TMEM74: variants seen among roughly 807,000 people sequenced by gnomAD.
TMEM74 encodes transmembrane protein 74.
TMEM74 carries 13 observed loss-of-function variants against 18.1 expected under a neutral mutation model. The observed-to-expected ratio is 0.72, with a 90% CI of 0.47 to 1.14. TMEM74 has a LOEUF of 1.14. TMEM74 is among the 50% of genes most tolerant of loss of function. The probability of loss-of-function intolerance (pLI) is 0.00; values close to 1 mark genes in which losing one functional copy is unlikely to be tolerated. For missense variants in TMEM74, 372 were observed against 375.9 expected, an observed-to-expected ratio of 0.99 and a Z score of 0.09; for synonymous variants, 159 against 146.6, an observed-to-expected ratio of 1.08 and a Z score of -0.61.
chr8:108,621,968 AG>A (rs1812444693), intron 2 of TMEM74, among the ~76,000 whole-genome samples: 1 of 152,148 alleles, frequency 6.6e-6, no homozygotes, highest in Non-Finnish European at 1.5e-5. Context: ...TTACATATGT[AG>A]AAAAATCTTC....
intron 2 of TMEM74, among the ~76,000 whole-genome samples, chr8:108,637,970 CAGAT>C (rs1339513519): frequency 1.3e-5 from 2 of 152,108 alleles, no homozygotes; most frequent in African/African-American, 2.4e-5. Context: ...GTTCTCCTAA[CAGAT>C]AGGCTGATTG....
intron 1 of TMEM74, among the ~76,000 whole-genome samples, chr8:108,760,471 C>A (rs1400619312): frequency 1.3e-5 from 2 of 152,034 alleles, no homozygotes; most frequent in Non-Finnish European, 2.9e-5. Flanking sequence ...CAAGCCTGTT[C>A]TGAGTGCAGT....
At chr8:108,661,524 C>G (rs116925958) in intron 1 of TMEM74, among the ~76,000 whole-genome samples, 3,499 of 151,958 alleles carry the variant, frequency 0.023, 69 homozygotes, top group Non-Finnish European at 0.032. Context: ...ATGGATCACT[C>G]TTATCCCTTA....
intron 1 of TMEM74, among the ~76,000 whole-genome samples, chr8:108,717,685 C>A (rs534553383): frequency 1.3e-5 from 2 of 151,736 alleles, no homozygotes. Flanking sequence ...CTAGAAGGGG[C>A]GAGGGAATGG....
chr8:108,729,275 G>C (rs1360131723), intron 1 of TMEM74, among the ~76,000 whole-genome samples: 1 of 152,188 alleles, frequency 6.6e-6, no homozygotes, highest in Admixed American at 6.5e-5. Flanking sequence ...GAGGCTGCCT[G>C]TATTCTTTAA....
At chr8:108,669,156 T>C (rs1812977667) in intron 1 of TMEM74, among the ~76,000 whole-genome samples, 1 of 152,148 alleles carries the variant, frequency 6.6e-6, no homozygotes, top group South Asian at 2.1e-4. Flanking sequence ...AGGGGACTTA[T>C]AGATCTCTCT....
At chr8:108,735,767 T>C (rs144716380) in intron 1 of TMEM74, among the ~76,000 whole-genome samples, 1 of 152,276 alleles carries the variant, frequency 6.6e-6, no homozygotes, top group East Asian at 1.9e-4. Flanking sequence ...TTTATCTTTA[T>C]ATATTGCCCA....
intron 1 of TMEM74, among the ~76,000 whole-genome samples, chr8:108,713,142 T>C (rs1016370997): frequency 6.6e-6 from 1 of 152,210 alleles, no homozygotes; most frequent in Non-Finnish European, 1.5e-5. Context: ...TGAACATCTA[T>C]TTGGGAACCA....
chr8:108,684,523 G>A (rs1250607221), intron 1 of TMEM74, among the ~76,000 whole-genome samples: 1 of 151,838 alleles, frequency 6.6e-6, no homozygotes, highest in African/African-American at 2.4e-5. Flanking sequence ...CCAGTCTGTA[G>A]GTTATTGTTT....
chr8:108,742,083 G>C (rs1052921136), intron 1 of TMEM74, among the ~76,000 whole-genome samples: 1 of 152,062 alleles, frequency 6.6e-6, no homozygotes, highest in African/African-American at 2.4e-5. Context: ...CCTTCTAAGT[G>C]GGACCTGAAT....
chr8:108,704,344 A>C (rs934884009), intron 1 of TMEM74, among the ~76,000 whole-genome samples: 1 of 151,828 alleles, frequency 6.6e-6, no homozygotes, highest in Non-Finnish European at 1.5e-5. Flanking sequence ...TCTCTTTCCT[A>C]TTTCCTGTTT....
chr8:108,620,949 C>CCTG (rs1586236507), intron 2 of TMEM74, among the ~76,000 whole-genome samples: 1 of 152,116 alleles, frequency 6.6e-6, no homozygotes, highest in East Asian at 1.9e-4. Flanking sequence ...TCTAAAGTCT[C>CCTG]CTGAAGCCTT....
At chr8:108,776,450 G>A (rs1216387960), downstream of TMEM74, among the ~76,000 whole-genome samples, 9 of 152,160 alleles carry the variant, frequency 5.9e-5, no homozygotes, top group Admixed American at 3.3e-4. Flanking sequence ...CCAAGATCAC[G>A]CCAGTGCACT....
intron 1 of TMEM74, among the ~76,000 whole-genome samples, chr8:108,676,992 A>G (rs1813061746): frequency 6.6e-6 from 1 of 152,256 alleles, no homozygotes; most frequent in Non-Finnish European, 1.5e-5. Context: ...CACAGACACC[A>G]AAATGTAAAT....
chr8:108,673,569 G>A (rs1291103202), intron 1 of TMEM74, among the ~76,000 whole-genome samples: 1 of 152,202 alleles, frequency 6.6e-6, no homozygotes, highest in African/African-American at 2.4e-5. Flanking sequence ...GTAGTCAGCT[G>A]AGGGAGAGAG....
At chr8:108,609,176 G>T (rs530317893) in intron 2 of TMEM74, among the ~76,000 whole-genome samples, 23 of 152,298 alleles carry the variant, frequency 1.5e-4, no homozygotes, top group Admixed American at 1.5e-3. Flanking sequence ...CAAGGCTGAA[G>T]TTTCTCTATA....
chr8:108,653,002 C>T lies in TMEM74; in HGVS notation n.264+2291G>A, dbSNP rs964620930. ...TTTCCTCTGGAAAGCCTTGTGTTCC[C>T]GACTCCTAACTTAGAATACACTCTT... On this transcript the variant is annotated intron_variant and non_coding_transcript_variant, in intron 2 of 3. Coordinates refer to the TMEM74 transcript ENST00000518838. 16 of 212,062 alleles carry T rather than the reference C, an allele frequency of 7.5e-5. No individual in the cohort carries two copies. The South Asian group carries it at 8.4e-4, about 11-fold the overall frequency. 13.1% of individuals were successfully genotyped at this position (212,062 alleles called of 1,614,324 possible).
chr8:108,760,973 A>AGTGTGT (rs60213902), intron 1 of TMEM74, among the ~76,000 whole-genome samples: 4,727 of 148,950 alleles, frequency 0.032, 205 homozygotes, highest in African/African-American at 0.099. Context: ...GTGGTTTTGG[A>AGTGTGT]GTGTGTGTGT....
chr8:108,662,342 A>G (rs1353504371), intron 1 of TMEM74, among the ~76,000 whole-genome samples: 1 of 152,100 alleles, frequency 6.6e-6, no homozygotes, highest in African/African-American at 2.4e-5. Context: ...GAGGGAACAA[A>G]CAGAGACAGA....
Sources: gnomAD v4.1 joint callset for allele counts (sites outside exome capture counted in the v4.1 genomes callset) on GRCh38, gnomAD v4.1.1 for gene constraint, MANE v1.5 for transcripts, NCBI Gene and HGNC (gene_info 2026-07-23, HGNC 2026-07-21) for gene names.